The following GPR158 variants were observed in gnomAD, a reference collection of about 807,000 sequenced individuals.
GPR158 encodes G protein-coupled receptor 158.
GPR158 carries 30 observed loss-of-function variants against 78.2 expected under a neutral mutation model. The ratio of observed to expected loss-of-function variants is 0.38; its 90% CI spans 0.29 to 0.52. The LOEUF is 0.52. Ranked by LOEUF, GPR158 falls within the 20% of genes least tolerant of loss-of-function variation. GPR158 has a pLI of 0.83. For synonymous variants in GPR158, 581 were observed against 591.1 expected (o/e 0.98, Z 0.25); for missense variants, 1,463 against 1,523.5 (o/e 0.96, Z 0.66).
intron 2 of GPR158, among the ~76,000 whole-genome samples, chr10:25,332,337 A>C (rs889411560): frequency 2.0e-5 from 3 of 152,240 alleles, no homozygotes; most frequent in African/African-American, 7.2e-5. Flanking sequence ...GGTGATATTG[A>C]CAATGTTTCT....
intron 5 of GPR158, among the ~76,000 whole-genome samples, chr10:25,474,676 T>G (rs1039705425): frequency 1.3e-5 from 2 of 152,158 alleles, no homozygotes; most frequent in Non-Finnish European, 2.9e-5. Flanking sequence ...CATGTTTCTG[T>G]CTTGCTCGGC....
rs149957388 is a variant in GPR158, at chr10:25,598,769, C to A, written c.3143C>A (p.Ser1048Tyr). The change falls in exon 11 of 11, where the codon TCT becomes TAT. Residue 1048 changes from serine to tyrosine, a missense_variant. Transcript: ENST00000376351. ...CCCACTTTTTCCTTAAAGGAGAAAT[C>A]TCACCACAAGCCTAAGGCAGCTGAG... Reference protein sequence around the residue: ...KNPTFSLKEKSHHKPKAAEVC... With the variant: ...KNPTFSLKEKYHHKPKAAEVC... 7.4e-6 allele frequency: 12 copies of A among 1,614,098 alleles called. No homozygotes were observed. In the African/African-American group the frequency reaches 1.6e-4, roughly 22 times the overall value.
chr10:25,530,833 T>C (rs1836413707), intron 5 of GPR158, among the ~76,000 whole-genome samples: 1 of 152,198 alleles, frequency 6.6e-6, no homozygotes, highest in African/African-American at 2.4e-5. Flanking sequence ...ACTAAGCCCT[T>C]TTCCAGCCTT....
intron 2 of GPR158, among the ~76,000 whole-genome samples, chr10:25,372,443 G>C (rs1834009841): frequency 6.9e-6 from 1 of 144,058 alleles, no homozygotes; most frequent in Admixed American, 6.9e-5. Flanking sequence ...CAATAACAAA[G>C]ACTTGGAACC....
chr10:25,210,932 G>A (rs2765702), intron 1 of GPR158, among the ~76,000 whole-genome samples: 11,914 of 152,052 alleles, frequency 0.078, 692 homozygotes, highest in East Asian at 0.24. Flanking sequence ...AGGAGATTGA[G>A]ACCATCCTGG....
intron 5 of GPR158, among the ~76,000 whole-genome samples, chr10:25,542,687 G>T (rs1836602821): frequency 1.3e-5 from 2 of 151,838 alleles, no homozygotes; most frequent in South Asian, 4.2e-4. Flanking sequence ...AGCTGGGCGT[G>T]GTGGTGGGCA....
At chr10:25,396,644 T>C (rs951400961) in intron 3 of GPR158, among the ~76,000 whole-genome samples, 3 of 152,066 alleles carry the variant, frequency 2.0e-5, no homozygotes, top group Non-Finnish European at 4.4e-5. Context: ...ATAATAATAA[T>C]AATACAATGC....
chr10:25,505,757 C>A (rs1353796476), intron 5 of GPR158, among the ~76,000 whole-genome samples: 1 of 152,276 alleles, frequency 6.6e-6, no homozygotes, highest in East Asian at 1.9e-4. Context: ...AACTACCCCA[C>A]GCCTTCATGC....
intron 4 of GPR158, among the ~76,000 whole-genome samples, chr10:25,431,046 A>C (rs1009753684): frequency 2.7e-5 from 4 of 146,328 alleles, no homozygotes; most frequent in Non-Finnish European, 4.5e-5. Context: ...TCTGCACAGC[A>C]AAAGAAACTA....
intron 2 of GPR158, among the ~76,000 whole-genome samples, chr10:25,282,172 T>C (rs565020802): frequency 7.2e-5 from 11 of 152,222 alleles, no homozygotes; most frequent in African/African-American, 2.7e-4. Context: ...ACTAATTTTG[T>C]TCTCCTCCCA....
At chr10:25,369,496 CCTTGCATCCCAGGGATGA>C (rs1554797702) in intron 2 of GPR158, among the ~76,000 whole-genome samples, 1 of 146,888 alleles carries the variant, frequency 6.8e-6, no homozygotes, top group Non-Finnish European at 1.5e-5. Flanking sequence ...ATTGAACCAG[CCTTGCATCCCAGGGATGA>C]AGCCCACTTG....
At chr10:25,429,442 G>C (rs1257008642) in intron 4 of GPR158, among the ~76,000 whole-genome samples, 1 of 152,066 alleles carries the variant, frequency 6.6e-6, no homozygotes, top group African/African-American at 2.4e-5. Flanking sequence ...TAGTCCCACA[G>C]CTCAAATTCA....
intron 6 of GPR158, among the ~76,000 whole-genome samples, chr10:25,557,648 G>T (rs981352135): frequency 6.6e-6 from 1 of 152,100 alleles, no homozygotes; most frequent in Non-Finnish European, 1.5e-5. Flanking sequence ...TTTCAGAAAC[G>T]AATCAGGGAT....
chr10:25,480,255 T>C (rs1265620627), intron 5 of GPR158, among the ~76,000 whole-genome samples: 1 of 152,202 alleles, frequency 6.6e-6, no homozygotes, highest in African/African-American at 2.4e-5. Context: ...CCCACCAATA[T>C]TTAAACAAAG....
At chr10:25,191,353 A>T (rs1335735748) in intron 1 of GPR158, among the ~76,000 whole-genome samples, 1 of 152,232 alleles carries the variant, frequency 6.6e-6, no homozygotes, top group Non-Finnish European at 1.5e-5. Context: ...ACGAAGAAAA[A>T]GATGCTGAGT....
chr10:25,195,108 A>AT (rs903302185), intron 1 of GPR158, among the ~76,000 whole-genome samples: 14 of 151,472 alleles, frequency 9.2e-5, no homozygotes, highest in African/African-American at 3.4e-4. Context: ...CTCCATCAAG[A>AT]TTTTTCCCCA....
At chr10:25,412,890 G>A (rs1045839330) in intron 4 of GPR158, among the ~76,000 whole-genome samples, 3 of 151,960 alleles carry the variant, frequency 2.0e-5, no homozygotes, top group Non-Finnish European at 4.4e-5. Flanking sequence ...TATTTTTAGC[G>A]CATTATACTT....
At chr10:25,395,849 C>A (rs537644355) in intron 2 of GPR158, 62 bp from the exon 3 acceptor site, 2 of 714,750 alleles carry the variant, frequency 2.8e-6, no homozygotes, top group Non-Finnish European at 4.9e-6. Context: ...TGGATATCTG[C>A]GAGCCTTTAT....
Position 25,543,247 on chromosome 10 carries a change from A to G in GPR158, c.1405-7729A>G, listed in dbSNP as rs564079645. Among the ~76,000 whole-genome samples the G allele has an allele frequency of 2.6e-5, 4 of 152,152 alleles. No individual in the cohort carries two copies. In the East Asian group the frequency reaches 7.7e-4, roughly 29 times the overall value. On this transcript the variant is annotated intron_variant, in intron 5 of 10. Coordinates refer to ENST00000376351, the MANE Select transcript of GPR158 (RefSeq NM_020752.3). Reference sequence around the variant, plus strand: ...GAAATTCTCATGCCTCAGTCCCCCAAGTAGCTGGGATTACAAGTGTTCACC... The same window carrying G: ...GAAATTCTCATGCCTCAGTCCCCCAGGTAGCTGGGATTACAAGTGTTCACC...
Sources: gnomAD v4.1 joint callset for allele counts (sites outside exome capture counted in the v4.1 genomes callset) on GRCh38, gnomAD v4.1.1 for gene constraint, MANE v1.5 for transcripts, NCBI Gene and HGNC (gene_info 2026-07-23, HGNC 2026-07-21) for gene names.